Variants in ITSN1 observed in about 807,000 individuals in gnomAD.
ITSN1 encodes the protein intersectin-1.
ITSN1 carries 58 observed loss-of-function variants against 239.8 expected under a neutral mutation model. That is an observed-to-expected ratio of 0.24 (90% CI 0.20 to 0.30). The LOEUF (loss-of-function observed/expected upper bound fraction) is 0.30, where lower values mean the gene tolerates loss of function less well. Ranked by LOEUF, ITSN1 falls within the 10% of genes least tolerant of loss-of-function variation. The pLI, the probability that ITSN1 is intolerant of heterozygous loss-of-function variation, is 1.00. For missense variants in ITSN1, 1,558 were observed against 2,103.3 expected (o/e 0.74, Z 5.07); for synonymous variants, 780 against 770.8 (o/e 1.01, Z -0.20).
At chr21:33,859,148 A>T (rs1979977499) in intron 31 of ITSN1, among the ~76,000 whole-genome samples, 1 of 152,120 alleles carries the variant, frequency 6.6e-6, no homozygotes, top group African/African-American at 2.4e-5. Flanking sequence ...CGGACGCGGG[A>T]TCCCATGGGG....
chr21:33,695,157 C>T (rs1043525158), intron 1 of ITSN1, among the ~76,000 whole-genome samples: 1 of 152,162 alleles, frequency 6.6e-6, no homozygotes, highest in African/African-American at 2.4e-5. Context: ...ATACGCTTTC[C>T]AAAGGAGTTG....
At chr21:33,787,941 T>C (rs555719703) in intron 16 of ITSN1, among the ~76,000 whole-genome samples, 1 of 152,374 alleles carries the variant, frequency 6.6e-6, no homozygotes, top group East Asian at 1.9e-4. Context: ...TGTCAGATTC[T>C]GTGCCATACC....
At chr21:33,738,696 G>A (rs1242502153) in intron 5 of ITSN1, among the ~76,000 whole-genome samples, 3 of 152,064 alleles carry the variant, frequency 2.0e-5, no homozygotes, top group African/African-American at 4.8e-5. Context: ...CACCGCACCC[G>A]GATGGCTTTA....
At chr21:33,731,472 A>G (rs140324324) in intron 4 of ITSN1, among the ~76,000 whole-genome samples, 34 of 152,340 alleles carry the variant, frequency 2.2e-4, no homozygotes, top group Middle Eastern at 6.8e-3. Flanking sequence ...ATTTCATTTT[A>G]TTTACTTAGT....
intron 1 of ITSN1, among the ~76,000 whole-genome samples, chr21:33,682,319 G>A (rs192214650): frequency 1.3e-5 from 2 of 150,908 alleles, no homozygotes; most frequent in East Asian, 2.0e-4. Context: ...AGGTTCAAGC[G>A]ATTCTCGCTT....
intron 31 of ITSN1, among the ~76,000 whole-genome samples, chr21:33,860,431 C>A (rs1268862150): frequency 6.6e-6 from 1 of 152,136 alleles, no homozygotes. Context: ...CCCAAGTAGC[C>A]CTTAGAGAGG....
chr21:33,864,250 T>C (rs1981168410), intron 31 of ITSN1, among the ~76,000 whole-genome samples: 2 of 152,196 alleles, frequency 1.3e-5, no homozygotes, highest in South Asian at 2.1e-4. Flanking sequence ...TTTTGTTCCA[T>C]CTACCCATCC....
intron 1 of ITSN1, among the ~76,000 whole-genome samples, chr21:33,714,680 TAGTTG>T (rs1238730835): frequency 6.6e-6 from 1 of 152,206 alleles, no homozygotes; most frequent in African/African-American, 2.4e-5. Flanking sequence ...TTCAGTATCA[TAGTTG>T]AGTATTAAGC....
intron 1 of ITSN1, among the ~76,000 whole-genome samples, chr21:33,678,400 CT>C (rs1057305159): frequency 7.9e-5 from 12 of 152,156 alleles, no homozygotes; most frequent in African/African-American, 2.9e-4. Context: ...TATTAGCTGT[CT>C]TCCTATTCGA....
intron 34 of ITSN1, among the ~76,000 whole-genome samples, 184 bp downstream of exon 34, chr21:33,875,705 G>A (rs1334940769): frequency 6.6e-6 from 1 of 152,184 alleles, no homozygotes; most frequent in Middle Eastern, 3.2e-3. Context: ...ATTTGAGATA[G>A]AGTCTCACTC....
At chr21:33,715,640 G>A (rs561781190) in intron 1 of ITSN1, among the ~76,000 whole-genome samples, 6 of 152,192 alleles carry the variant, frequency 3.9e-5, no homozygotes, top group Admixed American at 2.0e-4. Flanking sequence ...AATTTCTAAA[G>A]GGAATCTACA....
At chr21:33,738,309 C>A (rs564552211) in intron 5 of ITSN1, among the ~76,000 whole-genome samples, 89 of 152,278 alleles carry the variant, frequency 5.8e-4, no homozygotes, top group Middle Eastern at 3.4e-3. Flanking sequence ...TGTATTAGCC[C>A]TGTTATATAA....
intron 1 of ITSN1, among the ~76,000 whole-genome samples, chr21:33,704,843 C>T (rs1323325183): frequency 2.0e-5 from 3 of 149,276 alleles, no homozygotes; most frequent in Non-Finnish European, 3.0e-5. Context: ...AATCCCAGCA[C>T]TTTGGGAGGC....
chr21:33,669,496 G>T (rs949607381), intron 1 of ITSN1, among the ~76,000 whole-genome samples: 9 of 143,550 alleles, frequency 6.3e-5, no homozygotes, highest in African/African-American at 2.3e-4. Flanking sequence ...CTGGAGTGTC[G>T]TGGTGCGATC....
At chr21:33,725,238 C>T (rs547347027) in intron 4 of ITSN1, among the ~76,000 whole-genome samples, 11 of 140,472 alleles carry the variant, frequency 7.8e-5, no homozygotes, top group Admixed American at 1.6e-4. Flanking sequence ...CGGCTTCAAG[C>T]GATTCTCCTG....
At position 33,797,479 on chromosome 21, in the gene ITSN1, G is replaced by A. The variant is rs769546913; in HGVS notation, c.2053G>A (p.Glu685Lys). 6.2e-7 allele frequency: 1 copy of A among 1,614,144 alleles called. No individual in the cohort carries two copies. Among genetic ancestry groups the A allele is most frequent in the East Asian group, 2.2e-5 (1 of 44,872 alleles). Reference protein sequence around the residue: ...KLHEEEKLKREESVKKKDGEE... With the variant: ...KLHEEEKLKRKESVKKKDGEE... Reference sequence around the variant, plus strand: ...CCACGAAGAGGAAAAACTGAAAAGGGAGGAGAGTGTCAAAAAGAAGGATGG... The same window carrying A: ...CCACGAAGAGGAAAAACTGAAAAGGAAGGAGAGTGTCAAAAAGAAGGATGG... Residue 685 changes from glutamate to lysine, a missense_variant, in exon 18 of 40, where the codon GAG becomes AAG. Physicochemically the swap from Glu to Lys is moderately conservative, Grantham distance 56 (BLOSUM62 1). Around this residue, in one of 2 missense-constraint regions of ITSN1, gnomAD observed 982 missense variants for 1,209.9 expected, o/e 0.81. Coordinates refer to ENST00000381318, the MANE Select transcript of ITSN1 (RefSeq NM_003024.3). This position sits in a 1 kb window ranked among gnomAD's most constrained non-coding sequence, Gnocchi z 4.9.
intron 24 of ITSN1, among the ~76,000 whole-genome samples, chr21:33,820,799 T>C (rs1330604533): frequency 2.6e-5 from 4 of 152,192 alleles, no homozygotes; most frequent in Admixed American, 1.3e-4. Context: ...AAAAAGCTCC[T>C]TTAAATACCA....
At chr21:33,744,227 CTG>C (rs1361168126) in intron 5 of ITSN1, among the ~76,000 whole-genome samples, 1 of 152,026 alleles carries the variant, frequency 6.6e-6, no homozygotes, top group African/African-American at 2.4e-5. Flanking sequence ...TATTCTGAAA[CTG>C]TTGTCTGAGA....
At position 33,827,937 on chromosome 21, in the gene ITSN1, G is replaced by A. The variant is rs185279927; in HGVS notation, c.3229+1074G>A. 2.1e-3 allele frequency among the ~76,000 whole-genome samples: 314 copies of A among 152,300 alleles called. 3 individuals carry two copies. The highest frequency in any genetic ancestry group is 0.02 in the Middle Eastern group (6 of 294). ...CTAGGGAAAAGAAGGGAAATTTCAC[G>A]TAGTCTAGGATTTTATTTTAGTCAG... On this transcript the variant is annotated intron_variant, in intron 26 of 39. Coordinates refer to ENST00000381318, the MANE Select transcript of ITSN1 (RefSeq NM_003024.3).
Sources: gnomAD v4.1 joint callset for allele counts (sites outside exome capture counted in the v4.1 genomes callset) on GRCh38, gnomAD v4.1.1 for gene constraint, gnomAD v4.1.1 regional missense constraint, Gnocchi (gnomAD v3.1) non-coding constraint, MANE v1.5 for transcripts, NCBI Gene and HGNC (gene_info 2026-07-23, HGNC 2026-07-21) for gene names.